SGCD: variants seen among roughly 807,000 people sequenced by gnomAD.
SGCD encodes the protein sarcoglycan delta, also known as delta-sarcoglycan.
SGCD carries 18 observed loss-of-function variants against 36.6 expected under a neutral mutation model. The ratio of observed to expected loss-of-function variants is 0.49; its 90% CI spans 0.34 to 0.73. SGCD has a LOEUF of 0.73. Among genes scored for constraint, SGCD ranks in the 30% least tolerant of loss-of-function variants. The probability of loss-of-function intolerance (pLI) is 0.01; values close to 1 mark genes in which losing one functional copy is unlikely to be tolerated. For missense variants in SGCD, 387 were observed against 346.7 expected (o/e 1.12, Z -0.92); for synonymous variants, 133 against 130.6 (o/e 1.02, Z -0.12).
chr5:156,107,944 A>G (rs1257872455), intron 1 of SGCD, among the ~76,000 whole-genome samples: 1 of 152,174 alleles, frequency 6.6e-6, no homozygotes, highest in Non-Finnish European at 1.5e-5. Flanking sequence ...CTCTTGGTAG[A>G]TGTACATCTA....
chr5:156,027,549 T>C (rs1293113847), intron 1 of SGCD, among the ~76,000 whole-genome samples: 4 of 152,182 alleles, frequency 2.6e-5, no homozygotes, highest in Non-Finnish European at 5.9e-5. Context: ...CTTTTTTCCT[T>C]AGATGACAGG....
intron 3 of SGCD, among the ~76,000 whole-genome samples, chr5:156,384,087 A>C (rs372746861): frequency 5.6e-4 from 85 of 152,298 alleles, no homozygotes; most frequent in African/African-American, 1.9e-3. Context: ...TGCAGCAAGG[A>C]TATGCTGTTG....
rs768979513 is a variant in SGCD, at chr5:156,757,702, G to A, written c.697G>A (p.Glu233Lys). The part of the protein sequence containing the change: ...TELRLESKDG[E>K]IKLDAAKIRL... ...GCTGAGACTGGAATCCAAAGATGGAGAGGTGAGGGATGAGAAGGACAGAAG... is the reference window on the plus strand; with the variant it reads ...GCTGAGACTGGAATCCAAAGATGGAAAGGTGAGGGATGAGAAGGACAGAAG... Residue 233 changes from glutamate (E) to lysine (K), a missense_variant and splice_region_variant, in exon 8 of 9, where the codon GAG becomes AAG. Transcript: ENST00000337851. 1.2e-5 allele frequency: 19 copies of A among 1,603,014 alleles called. No homozygotes were observed. The South Asian group carries it at 1.8e-4, about 15-fold the overall frequency.
At chr5:156,031,849 A>G (rs1402176454) in intron 1 of SGCD, among the ~76,000 whole-genome samples, 2 of 152,186 alleles carry the variant, frequency 1.3e-5, no homozygotes, top group Admixed American at 1.3e-4. Flanking sequence ...GTCTGATTCC[A>G]GGGCCCAAGT....
At chr5:156,448,074 T>C (rs759331720) in intron 3 of SGCD, among the ~76,000 whole-genome samples, 1 of 152,192 alleles carries the variant, frequency 6.6e-6, no homozygotes, top group Non-Finnish European at 1.5e-5. Flanking sequence ...TGACTTTCAC[T>C]GTATTCTGCC....
chr5:156,120,499 A>G (rs1733111425), intron 2 of SGCD, among the ~76,000 whole-genome samples: 1 of 152,196 alleles, frequency 6.6e-6, no homozygotes, highest in Non-Finnish European at 1.5e-5. Context: ...AGGTAGGAAT[A>G]AAGTCACTAT....
At position 155,984,074 on chromosome 5, in the gene SGCD, C is replaced by T. The variant is rs80045167; in HGVS notation, c.-282+113650C>T. Reference sequence around the variant, plus strand: ...TAAACAATCTCTCCTTGTTTGAAGACCTTGTTGGCTTAATCATAACCATGA... The same window carrying T: ...TAAACAATCTCTCCTTGTTTGAAGATCTTGTTGGCTTAATCATAACCATGA... On this transcript the variant is annotated intron_variant, in intron 1 of 9. Transcript: ENST00000517913. Among the ~76,000 whole-genome samples the T allele has an allele frequency of 7.9e-3, 1,196 of 152,302 alleles. 12 individuals are homozygous for T. The highest frequency in any genetic ancestry group is 0.011 in the Non-Finnish European group (762 of 68,028).
intron 3 of SGCD, among the ~76,000 whole-genome samples, chr5:156,175,073 A>C (rs1763433310): frequency 6.6e-6 from 1 of 152,082 alleles, no homozygotes; most frequent in Admixed American, 6.6e-5. Context: ...TACATGAAGC[A>C]ATAGTATAAA....
chr5:156,602,312 A>G (rs988401167), intron 6 of SGCD, among the ~76,000 whole-genome samples: 1 of 152,024 alleles, frequency 6.6e-6, no homozygotes, highest in Non-Finnish European at 1.5e-5. Context: ...ACAACTGATT[A>G]GAATTGACTG....
In SGCD at chr5:156,348,314, C is replaced by A. The variant is rs754097087; in HGVS notation, c.192+3637C>A. On this transcript the variant is annotated intron_variant, in intron 3 of 8. Coordinates refer to ENST00000337851, the MANE Select transcript of SGCD (RefSeq NM_000337.6). ...CCAAATTGGGAAAGAGGAAGTCAAA[C>A]TGTCTCTGTTTGCCGATTACATGAG... Among the ~76,000 whole-genome samples the A allele has an allele frequency of 1.2e-3, 184 of 152,052 alleles. 1 individual carries two copies. Among genetic ancestry groups the A allele is most frequent in the Non-Finnish European group, 6.0e-4 (41 of 67,980 alleles).
intron 3 of SGCD, among the ~76,000 whole-genome samples, chr5:156,176,137 T>TTGTG (rs1262028730): frequency 6.7e-6 from 1 of 148,580 alleles, no homozygotes; most frequent in African/African-American, 2.5e-5. Flanking sequence ...GTGTGTGTGT[T>TTGTG]TGTGTGTGTG....
intron 3 of SGCD, among the ~76,000 whole-genome samples, chr5:156,146,184 G>T (rs1561538885): frequency 1.3e-5 from 2 of 152,164 alleles, no homozygotes; most frequent in Non-Finnish European, 2.9e-5. Flanking sequence ...TTGCACTCCA[G>T]CCTGGGCGAC....
chr5:156,206,134 C>T (rs1764272771), intron 3 of SGCD, among the ~76,000 whole-genome samples: 1 of 151,160 alleles, frequency 6.6e-6, no homozygotes, highest in Non-Finnish European at 1.5e-5. Flanking sequence ...TTATTTTATA[C>T]CTTGGTGTTT....
At chr5:156,333,745 T>G (rs771937496) in intron 2 of SGCD, among the ~76,000 whole-genome samples, 2 of 148,630 alleles carry the variant, frequency 1.3e-5, no homozygotes, top group Non-Finnish European at 3.0e-5. Context: ...ATACAAGTGT[T>G]TGTCATTTAT....
intron 2 of SGCD, among the ~76,000 whole-genome samples, chr5:156,120,597 A>C (rs1306190169): frequency 6.6e-6 from 1 of 152,164 alleles, no homozygotes; most frequent in East Asian, 1.9e-4. Flanking sequence ...TGTGCTTTGG[A>C]TCATGTCCTT....
intron 3 of SGCD, among the ~76,000 whole-genome samples, chr5:156,190,775 C>T (rs894404787): frequency 6.6e-6 from 1 of 152,056 alleles, no homozygotes; most frequent in Non-Finnish European, 1.5e-5. Flanking sequence ...TCAAAGTACC[C>T]TATTTTAAAG....
At chr5:156,300,394 A>C (rs1767022543) in intron 3 of SGCD, among the ~76,000 whole-genome samples, 1 of 151,998 alleles carries the variant, frequency 6.6e-6, no homozygotes, top group African/African-American at 2.4e-5. Context: ...ATTTAGGAGC[A>C]TATTGTTTAA....
At chr5:156,426,000 G>A (rs112621122) in intron 3 of SGCD, among the ~76,000 whole-genome samples, 4,022 of 152,108 alleles carry the variant, frequency 0.026, 78 homozygotes, top group Middle Eastern at 0.11. Context: ...TTGCAATTGT[G>A]AATTACGCTG....
At chr5:156,376,778 C>T (rs1373023668) in intron 3 of SGCD, among the ~76,000 whole-genome samples, 1 of 151,984 alleles carries the variant, frequency 6.6e-6, no homozygotes, top group Non-Finnish European at 1.5e-5. Flanking sequence ...CCATAGTCTC[C>T]AAATTTACCA....
Sources: allele counts gnomAD v4.1 joint callset (sites outside exome capture counted in the v4.1 genomes callset), GRCh38; gene constraint gnomAD v4.1.1; transcripts MANE v1.5; gene names NCBI Gene and HGNC (gene_info 2026-07-23, HGNC 2026-07-21).